NHSL3: variants seen among roughly 807,000 people sequenced by gnomAD.
NHSL3 encodes the protein NHS like 3.
chr1:32,763,377 T>G, the NHSL3 span, among the ~76,000 whole-genome samples: 2 of 152,078 alleles, frequency 1.3e-5, no homozygotes, highest in Non-Finnish European at 2.9e-5. Context: ...TGATTCCGTC[T>G]CCTACCATTC....
At chr1:32,771,361 TCACCCCCACCTTCCC>T in the NHSL3 span, 1 of 1,591,726 alleles carries the variant, frequency 6.3e-7, no homozygotes, top group Non-Finnish European at 8.6e-7. Context: ...CAAAGACCAG[TCACCCCCACCTTCCC>T]CACCCCCATC....
At chr1:32,762,855 T>C in the NHSL3 span, among the ~76,000 whole-genome samples, 1 of 152,170 alleles carries the variant, frequency 6.6e-6, no homozygotes, top group Admixed American at 6.5e-5. Context: ...CCCAAAGTGC[T>C]GGGATTACAG....
the NHSL3 span, among the ~76,000 whole-genome samples, chr1:32,766,634 G>A: frequency 6.6e-6 from 1 of 152,168 alleles, no homozygotes. Flanking sequence ...AGGAGGAAAG[G>A]CAGGTTTCTG....
the NHSL3 span, chr1:32,769,856 C>T: frequency 6.2e-7 from 1 of 1,611,450 alleles, no homozygotes; most frequent in Non-Finnish European, 8.5e-7. Flanking sequence ...TCTGCTGACC[C>T]CACCTCCTCC....
At chr1:32,754,018 C>G in the NHSL3 span, 1 of 519,724 alleles carries the variant, frequency 1.9e-6, no homozygotes, top group Non-Finnish European at 3.5e-6. Context: ...TGCCTCCCTC[C>G]CGGGGCTGCG....
the NHSL3 span, among the ~76,000 whole-genome samples, chr1:32,754,621 C>T: frequency 1.3e-5 from 2 of 152,164 alleles, no homozygotes; most frequent in African/African-American, 2.4e-5. Flanking sequence ...TACAGTTGCC[C>T]AGCGTCTTAG....
the NHSL3 span, among the ~76,000 whole-genome samples, chr1:32,754,893 C>T: frequency 1.3e-5 from 2 of 152,016 alleles, no homozygotes; most frequent in African/African-American, 4.8e-5. Context: ...CTCCCTACCC[C>T]CACCCGCGCC....
At chr1:32,747,941 T>C in the NHSL3 span, among the ~76,000 whole-genome samples, 5 of 152,138 alleles carry the variant, frequency 3.3e-5, no homozygotes, top group Non-Finnish European at 5.9e-5. Flanking sequence ...AAACCCCATC[T>C]CTACTAAAAA....
the NHSL3 span, among the ~76,000 whole-genome samples, chr1:32,764,601 G>T: frequency 0.33 from 49,429 of 151,780 alleles, 9,599 homozygotes; most frequent in East Asian, 0.47. Context: ...CCGAGTAGCT[G>T]AGATTACAGG....
the NHSL3 span, among the ~76,000 whole-genome samples, chr1:32,759,877 A>C: frequency 3.9e-5 from 6 of 152,338 alleles, no homozygotes; most frequent in East Asian, 1.2e-3. Context: ...ATTTGTAAAA[A>C]GGAAACCACT....
the NHSL3 span, among the ~76,000 whole-genome samples, chr1:32,754,487 A>G: frequency 6.6e-6 from 1 of 152,244 alleles, no homozygotes; most frequent in South Asian, 2.1e-4. Context: ...AGTAGGACGC[A>G]CACAGCCTGA....
chr1:32,770,528 G>T, the NHSL3 span: 1 of 1,545,000 alleles, frequency 6.5e-7, no homozygotes, highest in Non-Finnish European at 8.8e-7. The surrounding 1 kb of genome is among the most constrained non-coding windows in gnomAD (Gnocchi z 8.3). Flanking sequence ...GCTAGCAATA[G>T]CGTGGTACCC....
chr1:32,770,181 T>C, the NHSL3 span: 1 of 1,602,658 alleles, frequency 6.2e-7, no homozygotes, highest in Non-Finnish European at 8.5e-7. This position sits in a 1 kb window ranked among gnomAD's most constrained non-coding sequence, Gnocchi z 8.3. Flanking sequence ...GGGCAGGGCC[T>C]GCAGAGCCCC....
chr1:32,763,312 A>T, the NHSL3 span, among the ~76,000 whole-genome samples: 1 of 151,972 alleles, frequency 6.6e-6, no homozygotes, highest in Non-Finnish European at 1.5e-5. Flanking sequence ...GTCACTACCC[A>T]GCTGAAACCC....
At chr1:32,756,477 C>CCG in the NHSL3 span, among the ~76,000 whole-genome samples, 2 of 110,788 alleles carry the variant, frequency 1.8e-5, no homozygotes, top group South Asian at 3.9e-4. Flanking sequence ...GAGACCCCCC[C>CCG]CCCCCGCCCA....
At chr1:32,761,111 A>G in the NHSL3 span, among the ~76,000 whole-genome samples, 5 of 152,046 alleles carry the variant, frequency 3.3e-5, no homozygotes, top group Admixed American at 1.3e-4. Context: ...GGGGTGTGGT[A>G]TGGGATGCTT....
the NHSL3 span, among the ~76,000 whole-genome samples, chr1:32,746,273 A>G: frequency 6.6e-6 from 1 of 152,106 alleles, no homozygotes; most frequent in African/African-American, 2.4e-5. Flanking sequence ...TAAAAAAAAC[A>G]AAAACAAACA....
At chr1:32,771,687 T>G in the NHSL3 span, 2 of 1,611,696 alleles carry the variant, frequency 1.2e-6, no homozygotes, top group Non-Finnish European at 1.7e-6. Context: ...CAGACCCTCC[T>G]CCAGCTCCGC....
chr1:32,752,668 C>T, the NHSL3 span, among the ~76,000 whole-genome samples: 2 of 151,628 alleles, frequency 1.3e-5, no homozygotes, highest in Admixed American at 1.3e-4. Context: ...ACCTCTGCCT[C>T]CCAGGTTCAA....
Sources: gnomAD v4.1 joint callset for allele counts (sites outside exome capture counted in the v4.1 genomes callset) on GRCh38, gnomAD v4.1.1 for gene constraint, Gnocchi (gnomAD v3.1) non-coding constraint, MANE v1.5 for transcripts, NCBI Gene and HGNC (gene_info 2026-07-23, HGNC 2026-07-21) for gene names.